Variants in TMEM40 observed in about 807,000 individuals in gnomAD.
The protein encoded by TMEM40 is transmembrane protein 40.
Under a neutral mutation model 40.8 loss-of-function variants are expected in TMEM40, and 34 were observed. The ratio of observed to expected loss-of-function variants is 0.83; its 90% CI spans 0.63 to 1.11. TMEM40 has a LOEUF of 1.11. Among genes scored for constraint, TMEM40 ranks in the 50% least tolerant of loss-of-function variants. TMEM40 has a pLI of 0.00. For synonymous variants in TMEM40, 106 were observed against 107.0 expected (o/e 0.99, Z 0.06); for missense variants, 296 against 280.2 (o/e 1.06, Z -0.40).
chr3:12,754,968 T>G (rs2061507732), intron 1 of TMEM40, among the ~76,000 whole-genome samples: 1 of 150,220 alleles, frequency 6.7e-6, no homozygotes, highest in Admixed American at 6.6e-5. Context: ...TCTTTCTTTC[T>G]CTTTTTTCTT....
intron 1 of TMEM40, among the ~76,000 whole-genome samples, chr3:12,757,022 A>C (rs2061534127): frequency 6.6e-6 from 1 of 152,154 alleles, no homozygotes; most frequent in Admixed American, 6.5e-5. Context: ...AGCGTGTCAC[A>C]TCCATTCTCA....
At chr3:12,738,699 C>T (rs1300708951) in intron 5 of TMEM40, 111 bp from the exon 6 acceptor site, 14 of 1,222,326 alleles carry the variant, frequency 1.1e-5, no homozygotes, top group African/African-American at 3.0e-5. Flanking sequence ...AATCTGGAGT[C>T]GGCCAGGTGG....
At chr3:12,739,419 G>A (rs1270336925) in intron 5 of TMEM40, among the ~76,000 whole-genome samples, 5 of 151,934 alleles carry the variant, frequency 3.3e-5, no homozygotes, top group Admixed American at 3.3e-4. Context: ...CGAGTAGCTG[G>A]GACTACAGGC....
chr3:12,759,297 G>A (rs953870428), upstream of TMEM40: 3 of 152,434 alleles, frequency 2.0e-5, no homozygotes, highest in Non-Finnish European at 4.4e-5. Context: ...GTGACAGCAA[G>A]GAGGGCGGGA....
chr3:12,740,832 T>C (rs2061376218), intron 5 of TMEM40, among the ~76,000 whole-genome samples: 1 of 152,002 alleles, frequency 6.6e-6, no homozygotes, highest in African/African-American at 2.4e-5. Context: ...CACTCAAGCC[T>C]GAGCAACAGA....
intron 5 of TMEM40, chr3:12,738,875 C>T (rs2061359771): frequency 2.5e-6 from 1 of 399,792 alleles, no homozygotes; most frequent in East Asian, 4.8e-5. Context: ...AAAGTTTGGG[C>T]CGCACGCGGT....
chr3:12,763,023 G>C (rs573110111), upstream of TMEM40, among the ~76,000 whole-genome samples: 199 of 151,836 alleles, frequency 1.3e-3, no homozygotes, highest in Non-Finnish European at 2.5e-3. Context: ...AGCCGGGCGT[G>C]GTGGCGGGCT....
At chr3:12,735,311 A>G (rs2061329618) in intron 11 of TMEM40, among the ~76,000 whole-genome samples, 1 of 152,204 alleles carries the variant, frequency 6.6e-6, no homozygotes, top group East Asian at 1.9e-4. Flanking sequence ...CTTTGCATCC[A>G]TTCCTCACTT....
At chr3:12,756,947 T>C (rs1381318216) in intron 1 of TMEM40, among the ~76,000 whole-genome samples, 3 of 152,096 alleles carry the variant, frequency 2.0e-5, no homozygotes. Context: ...GTCAGTTCTC[T>C]TGAACATCAG....
At chr3:12,737,818 T>C (rs2061349036) in intron 7 of TMEM40, 64 bp from the exon 8 acceptor site, 1 of 1,497,214 alleles carries the variant, frequency 6.7e-7, no homozygotes, top group South Asian at 1.1e-5. Flanking sequence ...GATTTTCTTT[T>C]CCCTGCCTCA....
chr3:12,737,486 G>GT (rs1221698165), intron 8 of TMEM40: 2 of 598,244 alleles, frequency 3.3e-6, no homozygotes, highest in Non-Finnish European at 5.9e-6. Flanking sequence ...CTCACAAGCT[G>GT]TAAGGCCACT....
At chr3:12,755,906 T>G (rs2106621016) in intron 1 of TMEM40, among the ~76,000 whole-genome samples, 1 of 152,334 alleles carries the variant, frequency 6.6e-6, no homozygotes, top group East Asian at 1.9e-4. Context: ...CCCTTCTTGT[T>G]GACAAGTGAC....
At chr3:12,738,054 C>A in intron 7 of TMEM40, 82 bp downstream of exon 7, 1 of 1,553,754 alleles carries the variant, frequency 6.4e-7, no homozygotes, top group Non-Finnish European at 8.8e-7. Context: ...ACTAACCCAC[C>A]CTCTCAGGCT....
upstream of TMEM40, among the ~76,000 whole-genome samples, chr3:12,759,711 G>A (rs2061556065): frequency 6.6e-6 from 1 of 152,182 alleles, no homozygotes; most frequent in South Asian, 2.1e-4. Context: ...GAGGGCCTGG[G>A]GGCTCAGGAG....
intron 1 of TMEM40, among the ~76,000 whole-genome samples, chr3:12,753,270 G>A (rs2061493255): frequency 7.5e-6 from 1 of 132,538 alleles, no homozygotes; most frequent in African/African-American, 2.9e-5. Context: ...CCAGGCTGGA[G>A]TGCAGTGGCA....
chr3:12,763,159 C>CAAAA (rs536186442), upstream of TMEM40, among the ~76,000 whole-genome samples: 2 of 56,204 alleles, frequency 3.6e-5, no homozygotes, highest in African/African-American at 5.3e-5. Flanking sequence ...GACTCTGTCT[C>CAAAA]AAAAAAAAAA....
At chr3:12,749,188 C>A (rs1461074730) in intron 2 of TMEM40, among the ~76,000 whole-genome samples, 1 of 152,212 alleles carries the variant, frequency 6.6e-6, no homozygotes, top group East Asian at 1.9e-4. Context: ...CCACACCCGG[C>A]TAATTTTTTG....
In TMEM40 at chr3:12,735,536, G is replaced by A. The variant is rs1559522689; in HGVS notation, c.682+19C>T. ...GCTAGGGAGAAAATGAGTGAACACA[G>A]GAAGACTTTAAAAGTTACCTGTCAG... On this transcript the variant is annotated intron_variant, in intron 11 of 11. Coordinates refer to ENST00000314124, the MANE Select transcript of TMEM40 (RefSeq NM_018306.4). 1.2e-6 allele frequency: 2 copies of A among 1,611,688 alleles called. No individual in the cohort carries two copies. Among genetic ancestry groups the A allele is most frequent in the Non-Finnish European group, 1.7e-6 (2 of 1,178,336 alleles).
upstream of TMEM40, among the ~76,000 whole-genome samples, chr3:12,761,333 C>T (rs1234498968): frequency 1.3e-5 from 2 of 152,054 alleles, no homozygotes; most frequent in Non-Finnish European, 2.9e-5. Flanking sequence ...GCCTGGGAGC[C>T]GTGGCTCACG....
Sources: gnomAD v4.1 joint callset for allele counts (sites outside exome capture counted in the v4.1 genomes callset) on GRCh38, gnomAD v4.1.1 for gene constraint, MANE v1.5 for transcripts, NCBI Gene and HGNC (gene_info 2026-07-23, HGNC 2026-07-21) for gene names.